Variants in WNK2 observed in about 807,000 individuals in gnomAD.
WNK2 encodes the protein serine/threonine-protein kinase WNK2.
Under a neutral mutation model 192.1 loss-of-function variants are expected in WNK2, and 67 were observed. The observed-to-expected ratio is 0.35, with a 90% CI of 0.29 to 0.43. WNK2 has a LOEUF of 0.43. Ranked by LOEUF, WNK2 falls within the 20% of genes least tolerant of loss-of-function variation. WNK2 has a pLI of 1.00. For missense variants in WNK2, 2,698 were observed against 3,089.7 expected (o/e 0.87, Z 3.01); for synonymous variants, 1,439 against 1,393.9 (o/e 1.03, Z -0.72).
rs1413714006 is a variant in WNK2, at chr9:93,308,348, G to A, written c.6280G>A (p.Ala2094Thr). 1 of 1,555,224 alleles carries A rather than the reference G, an allele frequency of 6.4e-7. No homozygotes were observed. Reference sequence around the variant, plus strand: ...CCCAGGGTCCTCCACCAGCAGCCTGGCCCCAGGCCCTGAGCCAGGCCCCCA... The same window carrying A: ...CCCAGGGTCCTCCACCAGCAGCCTGACCCCAGGCCCTGAGCCAGGCCCCCA... ...HSSRSSTSSL[A>T]PGPEPGPQPA... Residue 2094 changes from alanine (A) to threonine (T), a missense_variant, in exon 28 of 30, where the codon GCC becomes ACC. Ala to Thr is a moderately conservative substitution (Grantham distance 58). Transcript: ENST00000427277.
At chr9:93,294,098 G>A (rs1388074428) in intron 23 of WNK2, among the ~76,000 whole-genome samples, 1 of 152,212 alleles carries the variant, frequency 6.6e-6, no homozygotes, top group South Asian at 2.1e-4. Flanking sequence ...ACCAGTGCCT[G>A]AAGGCACGTT....
At chr9:93,276,066 A>G (rs375373889) in intron 19 of WNK2, among the ~76,000 whole-genome samples, 3 of 152,376 alleles carry the variant, frequency 2.0e-5, no homozygotes, top group African/African-American at 7.2e-5. Context: ...AACAAAAGTT[A>G]AAGCAGATTA....
At chr9:93,251,230 C>G (rs1842553960) in intron 8 of WNK2, among the ~76,000 whole-genome samples, 1 of 151,992 alleles carries the variant, frequency 6.6e-6, no homozygotes, top group African/African-American at 2.4e-5. Context: ...ATTCTCCTGC[C>G]TCAGCCTCCT....
intron 19 of WNK2, among the ~76,000 whole-genome samples, chr9:93,281,301 T>C (rs1847697749): frequency 6.6e-6 from 1 of 152,162 alleles, no homozygotes; most frequent in Non-Finnish European, 1.5e-5. Flanking sequence ...GACTGAGAAC[T>C]AAGTTTGCCT....
chr9:93,224,471 G>A (rs1252547709), intron 2 of WNK2, among the ~76,000 whole-genome samples: 1 of 152,162 alleles, frequency 6.6e-6, no homozygotes, highest in African/African-American at 2.4e-5. Flanking sequence ...GGTGTCCTGG[G>A]GGTGCTGGGA....
rs536200594 is a variant in WNK2 at position 93,235,724 on chromosome 9, A to G, written c.1233+759A>G. Among the ~76,000 whole-genome samples the G allele has an allele frequency of 3.3e-5, 5 of 152,322 alleles. No individual in the cohort carries two copies. In the East Asian group the frequency reaches 9.7e-4, roughly 29 times the overall value. On this transcript the variant is annotated intron_variant, in intron 5 of 29. Coordinates refer to ENST00000427277, the MANE Select transcript of WNK2 (RefSeq NM_006648.4). The stretch of plus-strand genomic sequence containing the variant: ...CATGCGGCGTCTGCACTGAGGGCCC[A>G]GGCTGCCCTGATCCCTGCAGTCCCT...
At position 93,258,949 on chromosome 9, in the gene WNK2, G is replaced by A. The variant is rs766089132; in HGVS notation, c.2401G>A (p.Val801Met). 3 of 1,612,128 alleles carry A rather than the reference G, an allele frequency of 1.9e-6. No homozygotes were observed. In the Admixed American group the frequency reaches 5.0e-5, roughly 27 times the overall value. The change falls in exon 12 of 30, where the codon GTG becomes ATG. Residue 801 changes from valine to methionine, a missense_variant. Around this residue, in one of 7 missense-constraint regions of WNK2, gnomAD observed 893 missense variants for 909.0 expected, o/e 0.98. Coordinates refer to ENST00000427277, the MANE Select transcript of WNK2 (RefSeq NM_006648.4). ...CTTTCAGATGCCCCCGATTCCTGTT[G>A]TGCCCCCCATCACGCCCCTGGCGGG... ...VPPQMPPIPV[V>M]PPITPLAGID...
At chr9:93,218,734 G>A (rs1836245202) in intron 2 of WNK2, among the ~76,000 whole-genome samples, 1 of 152,248 alleles carries the variant, frequency 6.6e-6, no homozygotes, top group African/African-American at 2.4e-5. Flanking sequence ...TGCCTGCACA[G>A]CTGCCTGTCC....
At chr9:93,211,316 ATCCACTCAGTCACTCTTTGGTCTACT>A in intron 2 of WNK2, among the ~76,000 whole-genome samples, 1 of 150,868 alleles carries the variant, frequency 6.6e-6, no homozygotes, top group African/African-American at 2.4e-5. Context: ...TCACTCACTC[ATCCACTCAGTCACTCTTTGGTCTACT>A]CATTCACTCA....
intron 2 of WNK2, among the ~76,000 whole-genome samples, chr9:93,201,723 C>G (rs902362535): frequency 6.6e-6 from 1 of 152,220 alleles, no homozygotes; most frequent in Admixed American, 6.5e-5. Flanking sequence ...TGAGAAAGAG[C>G]CCTTTTGGCT....
In WNK2 at chr9:93,258,867, GC is replaced by G. The variant is rs542066852; in HGVS notation, c.2383-63del. ...CCAATGACTGTGGCTGTCCTTGCAT[GC>G]AAGTGCTGTGGGCAGGGACCCTGGT... is the stretch of plus-strand genomic sequence containing the variant. On this transcript the variant is annotated intron_variant, in intron 11 of 29. Transcript: ENST00000427277. The G allele has an allele frequency of 4.0e-5, 58 of 1,447,736 alleles. No homozygotes were observed. In the African/African-American group the frequency reaches 7.2e-4, roughly 18 times the overall value. The allele number at this position is 1,447,736 out of a possible 1,614,324, so 89.7% of individuals were successfully genotyped here. A position where few individuals can be genotyped will look rare whatever the true frequency, so the allele number is the denominator to read the frequency against.
chr9:93,204,441 G>T (rs958746660), intron 2 of WNK2, among the ~76,000 whole-genome samples: 1 of 152,228 alleles, frequency 6.6e-6, no homozygotes, highest in Non-Finnish European at 1.5e-5. Context: ...GGCCAGAAAG[G>T]CGGGGCCAGC....
rs117471633 is a variant in WNK2, at chr9:93,291,250, G to A, written c.4937-1058G>A. Among the ~76,000 whole-genome samples the A allele has an allele frequency of 1.1e-3, 167 of 152,284 alleles. 2 individuals are homozygous for A. The highest frequency in any genetic ancestry group is 1.8e-3 in the Non-Finnish European group (125 of 68,022). On this transcript the variant is annotated intron_variant, in intron 21 of 29. Coordinates refer to ENST00000427277, the MANE Select transcript of WNK2 (RefSeq NM_006648.4). ...GTGGCGCTCCACGGACTCTGACTTC[G>A]TGCTCTGAGATGTGTCCGTCCCATG...
chr9:93,267,406 T>A (rs556288958), intron 16 of WNK2, among the ~76,000 whole-genome samples: 121 of 152,024 alleles, frequency 8.0e-4, no homozygotes, highest in Non-Finnish European at 1.1e-3. Context: ...CTCTTCCCAG[T>A]CCCCGTCCTC....
chr9:93,184,827 TG>T, intron 1 of WNK2, 100 bp from the exon 2 acceptor site: 1 of 1,036,244 alleles, frequency 9.7e-7, no homozygotes, highest in Non-Finnish European at 1.2e-6. Context: ...CGGCCGGGGC[TG>T]GGCAGGTTGC....
chr9:93,187,660 G>C (rs530615558), intron 2 of WNK2, among the ~76,000 whole-genome samples: 1 of 152,164 alleles, frequency 6.6e-6, no homozygotes, highest in Non-Finnish European at 1.5e-5. Flanking sequence ...CAACCCCCAA[G>C]GTCACCAGTG....
In WNK2 at chr9:93,247,525, A is replaced by G. The variant is rs764417050; in HGVS notation, c.1543-18A>G. 6.2e-7 allele frequency: 1 copy of G among 1,606,104 alleles called. No homozygotes were observed. Among genetic ancestry groups the G allele is most frequent in the South Asian group, 1.1e-5 (1 of 89,256 alleles). On this transcript the variant is annotated intron_variant, in intron 7 of 29. Coordinates refer to ENST00000427277, the MANE Select transcript of WNK2 (RefSeq NM_006648.4). The surrounding 1 kb of genome is among the most constrained non-coding windows in gnomAD (Gnocchi z 5.2). ...GGGCTGATCCCCAGCGATGCTGACA[A>G]CATGACTGCCTTTACAGATTGAGTC...
intron 7 of WNK2, among the ~76,000 whole-genome samples, chr9:93,240,467 C>G (rs1840572565): frequency 1.3e-5 from 2 of 152,172 alleles, no homozygotes; most frequent in Admixed American, 1.3e-4. Flanking sequence ...CGCCTCTTCT[C>G]TTCCTCCTGC....
At chr9:93,268,990 G>T (rs759532091) in intron 19 of WNK2, 52 of 1,520,132 alleles carry the variant, frequency 3.4e-5, no homozygotes, top group Non-Finnish European at 4.4e-5. Context: ...TAGGTGGCTC[G>T]CATGGCCATA....
Sources: allele counts gnomAD v4.1 joint callset (sites outside exome capture counted in the v4.1 genomes callset), GRCh38; gene constraint gnomAD v4.1.1; regional missense constraint gnomAD v4.1.1; non-coding constraint Gnocchi (gnomAD v3.1); transcripts MANE v1.5; gene names NCBI Gene and HGNC (gene_info 2026-07-23, HGNC 2026-07-21).